KRTAP23-1: variants seen among roughly 807,000 people sequenced by gnomAD.
KRTAP23-1 encodes the protein keratin associated protein 23-1.
For synonymous variants in KRTAP23-1, 37 were observed against 33.7 expected (o/e 1.10, Z -0.34); for missense variants, 70 against 72.7 (o/e 0.96, Z 0.13).
Position 30,348,525 on chromosome 21 carries a change from C to T in KRTAP23-1, c.82G>A (p.Gly28Ser), listed in dbSNP as rs755455428. 1.2e-6 allele frequency: 2 copies of T among 1,613,946 alleles called. No individual in the cohort carries two copies. The highest frequency in any genetic ancestry group is 2.7e-5 in the African/African-American group (2 of 74,896). Residue 28 changes from glycine to serine, a missense_variant, in exon 1 of 1, where the codon GGC (glycine) becomes AGC (serine). Coordinates refer to ENST00000334160, the MANE Select transcript of KRTAP23-1 (RefSeq NM_181624.1). ...YLCYSGYSRGGSSYPSNLVYS... is the reference protein window; with the variant it reads ...YLCYSGYSRGSSSYPSNLVYS... ...ACCAGGTTGCTGGGGTACGAGGAGCCACCACGGGAGTAGCCTGAGTAGCAC... is the reference window on the plus strand; with the variant it reads ...ACCAGGTTGCTGGGGTACGAGGAGCTACCACGGGAGTAGCCTGAGTAGCAC...
chr21:30,348,399 C>G lies in KRTAP23-1; in HGVS notation c.*10G>C. 4 of 1,614,146 alleles carry G rather than the reference C, an allele frequency of 2.5e-6. No homozygotes were observed. The highest frequency in any genetic ancestry group is 3.4e-6 in the Non-Finnish European group (4 of 1,179,998). On this transcript the variant is annotated 3_prime_UTR_variant, in exon 1 of 1. Transcript: ENST00000334160. ...GGCAGGGGCTGGACTCCACACAGGA[C>G]ATCTGGCAGCTAGGGGTTTCCCAGC...
Position 30,348,542 on chromosome 21 carries a change from G to A in KRTAP23-1, c.65C>T (p.Ser22Leu), listed in dbSNP as rs1601091449. 15 of 1,614,130 alleles carry A rather than the reference G, an allele frequency of 9.3e-6. No individual in the cohort carries two copies. The highest frequency in any genetic ancestry group is 1.3e-5 in the Non-Finnish European group (15 of 1,179,992). ...SHSCEGYLCY[S>L]GYSRGGSSYP... ...CGAGGAGCCACCACGGGAGTAGCCTGAGTAGCACAGGTAGCCCTCACAGGA... is the reference window on the plus strand; with the variant it reads ...CGAGGAGCCACCACGGGAGTAGCCTAAGTAGCACAGGTAGCCCTCACAGGA... The change falls in exon 1 of 1, where the codon TCA becomes TTA. Residue 22 changes from serine (S) to leucine (L), a missense_variant. Coordinates refer to ENST00000334160, the MANE Select transcript of KRTAP23-1 (RefSeq NM_181624.1).
In KRTAP23-1 at chr21:30,348,508, G is replaced by T; in HGVS notation, c.99C>A (p.Ser33Arg). The change falls in exon 1 of 1, where the codon AGC becomes AGA. Residue 33 changes from serine (S) to arginine (R), a missense_variant. Ser to Arg is a moderately radical substitution (Grantham distance 110, BLOSUM62 -1). Transcript: ENST00000334160. Reference protein sequence around the residue: ...GYSRGGSSYPSNLVYSTEPLI... With the variant: ...GYSRGGSSYPRNLVYSTEPLI... ...AAGGTTCAGTGCTGTAGACCAGGTT[G>T]CTGGGGTACGAGGAGCCACCACGGG... 6.2e-7 allele frequency: 1 copy of T among 1,614,132 alleles called. No homozygotes were observed. Among genetic ancestry groups the T allele is most frequent in the Middle Eastern group, 1.6e-4 (1 of 6,062 alleles).
At position 30,348,441 on chromosome 21, in the gene KRTAP23-1, C is replaced by T. The variant is rs1372920530; in HGVS notation, c.166G>A (p.Gly56Arg). ...TTTCCCAGCAAGTCTCCTGAAAGCC[C>T]TTGCAGAGAGAGGAACCCAGCTGGC... Reference protein sequence around the residue: ...HLPAGFLSLQGLSGDLLGNP With the variant: ...HLPAGFLSLQRLSGDLLGNP Residue 56 changes from glycine (G) to arginine (R), a missense_variant, in exon 1 of 1, where the codon GGG becomes AGG. Physicochemically the swap from Gly to Arg is moderately radical, Grantham distance 125. Transcript: ENST00000334160. 6.2e-7 allele frequency: 1 copy of T among 1,614,152 alleles called. No homozygotes were observed. Among genetic ancestry groups the T allele is most frequent in the Admixed American group, 1.7e-5 (1 of 60,026 alleles).
chr21:30,348,502 C>T lies in KRTAP23-1; in HGVS notation c.105G>A (p.Leu35=), dbSNP rs775149876. 5.0e-6 allele frequency: 8 copies of T among 1,614,012 alleles called. No individual in the cohort carries two copies. The East Asian group carries it at 1.8e-4, about 36-fold the overall frequency. Reference sequence around the variant, plus strand: ...AGATCAAAGGTTCAGTGCTGTAGACCAGGTTGCTGGGGTACGAGGAGCCAC... The same window carrying T: ...AGATCAAAGGTTCAGTGCTGTAGACTAGGTTGCTGGGGTACGAGGAGCCAC... The part of the protein sequence containing the change: ...SRGGSSYPSN[L]VYSTEPLISQ... The change falls in exon 1 of 1, where the codon CTG becomes CTA. Residue 35 remains leucine (L), a synonymous_variant. Transcript: ENST00000334160.
Position 30,348,424 on chromosome 21 carries a change from C to A in KRTAP23-1, c.183G>T (p.Leu61Phe), listed in dbSNP as rs543404132. The change falls in exon 1 of 1, where the codon TTG (leucine) becomes TTT (phenylalanine). Residue 61 changes from leucine (L) to phenylalanine (F), a missense_variant. Leu to Phe is a conservative substitution (Grantham distance 22). Transcript: ENST00000334160. The part of the protein sequence containing the change: ...FLSLQGLSGD[L>F]LGNP Reference sequence around the variant, plus strand: ...CATCTGGCAGCTAGGGGTTTCCCAGCAAGTCTCCTGAAAGCCCTTGCAGAG... The same window carrying A: ...CATCTGGCAGCTAGGGGTTTCCCAGAAAGTCTCCTGAAAGCCCTTGCAGAG... 2.4e-5 allele frequency: 39 copies of A among 1,614,136 alleles called. No individual in the cohort carries two copies. The South Asian group carries it at 4.3e-4, about 18-fold the overall frequency.
rs1444022945 is a variant in KRTAP23-1 at position 30,348,591 on chromosome 21, A to G, written c.16T>C (p.Cys6Arg). 7 of 1,614,058 alleles carry G rather than the reference A, an allele frequency of 4.3e-6. No homozygotes were observed. Among genetic ancestry groups the G allele is most frequent in the Middle Eastern group, 1.6e-4 (1 of 6,062 alleles). Residue 6 changes from cysteine (C) to arginine (R), a missense_variant, in exon 1 of 1, where the codon TGC (cysteine) becomes CGC (arginine). By Grantham distance (180) the Cys-to-Arg change is radical. Transcript: ENST00000334160. ...GAATGGGAGGAGAAGTTTCCACAGC[A>G]GCAGTTGTAGGACATGTTGACAGGA... is the stretch of plus-strand genomic sequence containing the variant. MSYNCCCGNFSSHSCE... is the reference protein window; with the variant it reads MSYNCRCGNFSSHSCE...
Position 30,348,596 on chromosome 21 carries a change from T to C in KRTAP23-1, c.11A>G (p.Asn4Ser). 1 of 1,613,930 alleles carries C rather than the reference T, an allele frequency of 6.2e-7. No homozygotes were observed. The highest frequency in any genetic ancestry group is 1.7e-5 in the Admixed American group (1 of 60,000). The change falls in exon 1 of 1, where the codon AAC becomes AGC. Residue 4 changes from asparagine (N) to serine (S), a missense_variant. Transcript: ENST00000334160. MSY[N>S]CCCGNFSSHS... ...GGAGGAGAAGTTTCCACAGCAGCAG[T>C]TGTAGGACATGTTGACAGGAGATGT...
At position 30,348,428 on chromosome 21, in the gene KRTAP23-1, T is replaced by G. The variant is rs1982313797; in HGVS notation, c.179A>C (p.Asp60Ala). 1.9e-6 allele frequency: 3 copies of G among 1,613,990 alleles called. No individual in the cohort carries two copies. The highest frequency in any genetic ancestry group is 2.5e-6 in the Non-Finnish European group (3 of 1,179,944). Residue 60 changes from aspartate to alanine, a missense_variant, in exon 1 of 1, where the codon GAC becomes GCC. Physicochemically the swap from Asp to Ala is moderately radical, Grantham distance 126. Coordinates refer to ENST00000334160, the MANE Select transcript of KRTAP23-1 (RefSeq NM_181624.1). ...GFLSLQGLSGDLLGNP is the reference protein window; with the variant it reads ...GFLSLQGLSGALLGNP Reference sequence around the variant, plus strand: ...TGGCAGCTAGGGGTTTCCCAGCAAGTCTCCTGAAAGCCCTTGCAGAGAGAG... The same window carrying G: ...TGGCAGCTAGGGGTTTCCCAGCAAGGCTCCTGAAAGCCCTTGCAGAGAGAG...
chr21:30,348,532 G>C lies in KRTAP23-1; in HGVS notation c.75C>G (p.Ser25=), dbSNP rs1452908860. The change falls in exon 1 of 1, where the codon TCC becomes TCG. Residue 25 remains serine (S), a synonymous_variant. Coordinates refer to ENST00000334160, the MANE Select transcript of KRTAP23-1 (RefSeq NM_181624.1). ...TGCTGGGGTACGAGGAGCCACCACG[G>C]GAGTAGCCTGAGTAGCACAGGTAGC... ...CEGYLCYSGY[S]RGGSSYPSNL... is the part of the protein sequence containing the mutation. 2 of 1,614,008 alleles carry C rather than the reference G, an allele frequency of 1.2e-6. No individual in the cohort carries two copies. The highest frequency in any genetic ancestry group is 2.7e-5 in the African/African-American group (2 of 74,934).
In KRTAP23-1 at chr21:30,348,602, G is replaced by T. The variant is rs768052872; in HGVS notation, c.5C>A (p.Ser2Tyr). Residue 2 changes from serine to tyrosine, a missense_variant, in exon 1 of 1, where the codon TCC (serine) becomes TAC (tyrosine). Coordinates refer to ENST00000334160, the MANE Select transcript of KRTAP23-1 (RefSeq NM_181624.1). MSYNCCCGNFSS... is the reference protein window; with the variant it reads MYYNCCCGNFSS... The stretch of plus-strand genomic sequence containing the variant: ...GAAGTTTCCACAGCAGCAGTTGTAG[G>T]ACATGTTGACAGGAGATGTGAGTTC... 1.2e-6 allele frequency: 2 copies of T among 1,613,652 alleles called. No individual in the cohort carries two copies. The highest frequency in any genetic ancestry group is 1.7e-6 in the Non-Finnish European group (2 of 1,179,718).
At chr21:30,348,510 TG>T in the KRTAP23-1 span, 1 of 1,614,080 alleles carries the variant, frequency 6.2e-7, no homozygotes, top group Non-Finnish European at 8.5e-7. Flanking sequence ...ACCAGGTTGC[TG>T]GGGTACGAGG....
In KRTAP23-1 at chr21:30,348,412, G is replaced by A; in HGVS notation, c.195C>T (p.Pro65=). The A allele has an allele frequency of 1.2e-6, 2 of 1,614,116 alleles. No homozygotes were observed. Among genetic ancestry groups the A allele is most frequent in the Non-Finnish European group, 1.7e-6 (2 of 1,179,980 alleles). The change falls in exon 1 of 1, where the codon CCC becomes CCT. Residue 65 remains proline, a synonymous_variant. Transcript: ENST00000334160. ...CTCCACACAGGACATCTGGCAGCTA[G>A]GGGTTTCCCAGCAAGTCTCCTGAAA... ...QGLSGDLLGN[P]
At position 30,348,551 on chromosome 21, in the gene KRTAP23-1, A is replaced by C. The variant is rs1982318127; in HGVS notation, c.56T>G (p.Leu19Arg). The C allele has an allele frequency of 6.2e-7, 1 of 1,614,022 alleles. No homozygotes were observed. Among genetic ancestry groups the C allele is most frequent in the Admixed American group, 1.7e-5 (1 of 60,002 alleles). Residue 19 changes from leucine (L) to arginine (R), a missense_variant, in exon 1 of 1, where the codon CTG becomes CGG. Physicochemically the swap from Leu to Arg is moderately radical, Grantham distance 102. Coordinates refer to ENST00000334160, the MANE Select transcript of KRTAP23-1 (RefSeq NM_181624.1). ...ACCACGGGAGTAGCCTGAGTAGCAC[A>C]GGTAGCCCTCACAGGAATGGGAGGA... ...NFSSHSCEGY[L>R]CYSGYSRGGS...
chr21:30,348,500 A>G lies in KRTAP23-1; in HGVS notation c.107T>C (p.Val36Ala). 1 of 1,614,138 alleles carries G rather than the reference A, an allele frequency of 6.2e-7. No homozygotes were observed. The highest frequency in any genetic ancestry group is 8.5e-7 in the Non-Finnish European group (1 of 1,180,004). The change falls in exon 1 of 1, where the codon GTC (valine) becomes GCC (alanine). Residue 36 changes from valine to alanine, a missense_variant. Physicochemically the swap from Val to Ala is moderately conservative, Grantham distance 64. Transcript: ENST00000334160. Reference protein sequence around the residue: ...RGGSSYPSNLVYSTEPLISQH... With the variant: ...RGGSSYPSNLAYSTEPLISQH... ...GGAGATCAAAGGTTCAGTGCTGTAG[A>G]CCAGGTTGCTGGGGTACGAGGAGCC...
rs1208191362 is a variant in KRTAP23-1 at position 30,348,447 on chromosome 21, G to A, written c.160C>T (p.Leu54=). The stretch of plus-strand genomic sequence containing the variant: ...AGCAAGTCTCCTGAAAGCCCTTGCA[G>A]AGAGAGGAACCCAGCTGGCAGGTGC... ...SQHLPAGFLS[L]QGLSGDLLGN... The change falls in exon 1 of 1, where the codon CTG becomes TTG. Residue 54 remains leucine, a synonymous_variant. Coordinates refer to ENST00000334160, the MANE Select transcript of KRTAP23-1 (RefSeq NM_181624.1). The A allele has an allele frequency of 1.2e-6, 2 of 1,614,060 alleles. No individual in the cohort carries two copies. The highest frequency in any genetic ancestry group is 1.7e-5 in the Admixed American group (1 of 60,010).
chr21:30,348,480 T>A lies in KRTAP23-1; in HGVS notation c.127A>T (p.Ile43Phe), dbSNP rs1982315633. ...AACCCAGCTGGCAGGTGCTGGGAGA[T>A]CAAAGGTTCAGTGCTGTAGACCAGG... ...SNLVYSTEPL[I>F]SQHLPAGFLS... Residue 43 changes from isoleucine (I) to phenylalanine (F), a missense_variant, in exon 1 of 1, where the codon ATC becomes TTC. Ile to Phe is a conservative substitution (Grantham distance 21). Coordinates refer to ENST00000334160, the MANE Select transcript of KRTAP23-1 (RefSeq NM_181624.1). 2 of 1,613,876 alleles carry A rather than the reference T, an allele frequency of 1.2e-6. No homozygotes were observed. The highest frequency in any genetic ancestry group is 1.7e-6 in the Non-Finnish European group (2 of 1,179,984).
rs772153882 is a variant in KRTAP23-1 at position 30,348,556 on chromosome 21, G to A, written c.51C>T (p.Gly17=). The part of the protein sequence containing the change: ...CGNFSSHSCE[G]YLCYSGYSRG... ...GGGAGTAGCCTGAGTAGCACAGGTAGCCCTCACAGGAATGGGAGGAGAAGT... is the reference window on the plus strand; with the variant it reads ...GGGAGTAGCCTGAGTAGCACAGGTAACCCTCACAGGAATGGGAGGAGAAGT... The change falls in exon 1 of 1, where the codon GGC becomes GGT. Residue 17 remains glycine, a synonymous_variant. Coordinates refer to ENST00000334160, the MANE Select transcript of KRTAP23-1 (RefSeq NM_181624.1). The A allele has an allele frequency of 1.2e-6, 2 of 1,614,108 alleles. No individual in the cohort carries two copies. Among genetic ancestry groups the A allele is most frequent in the East Asian group, 2.2e-5 (1 of 44,852 alleles).
In KRTAP23-1 at chr21:30,348,580, G is replaced by A. The variant is rs529973081; in HGVS notation, c.27C>T (p.Asn9=). The A allele has an allele frequency of 4.1e-5, 66 of 1,614,126 alleles. No individual in the cohort carries two copies. Among genetic ancestry groups the A allele is most frequent in the South Asian group, 3.2e-4 (29 of 91,080 alleles). MSYNCCCG[N]FSSHSCEGYL... is the part of the protein sequence containing the mutation. ...AGCCCTCACAGGAATGGGAGGAGAA[G>A]TTTCCACAGCAGCAGTTGTAGGACA... The change falls in exon 1 of 1, where the codon AAC becomes AAT. Residue 9 remains asparagine, a synonymous_variant. Coordinates refer to ENST00000334160, the MANE Select transcript of KRTAP23-1 (RefSeq NM_181624.1).
Sources: gnomAD v4.1 joint callset for allele counts on GRCh38, gnomAD v4.1.1 for gene constraint, MANE v1.5 for transcripts, NCBI Gene and HGNC (gene_info 2026-07-23, HGNC 2026-07-21) for gene names.